The following NF1 variants were observed in gnomAD, a reference collection of about 807,000 sequenced individuals.
NF1 encodes the protein neurofibromin 1, also known as neurofibromin.
NF1 carries 122 observed loss-of-function variants against 325.7 expected under a neutral mutation model. That is an observed-to-expected ratio of 0.37 (90% CI 0.32 to 0.44). The LOEUF is 0.44. NF1 is among the 20% of genes least tolerant of loss of function. The pLI, the probability that NF1 is intolerant of heterozygous loss-of-function variation, is 1.00. For missense variants in NF1, 2,140 were observed against 3,415.4 expected, an observed-to-expected ratio of 0.63 and a Z score of 9.31; for synonymous variants, 1,091 against 1,186.0, an observed-to-expected ratio of 0.92 and a Z score of 1.65.
At chr17:31,134,015 CTT>C (rs1389251424) in intron 1 of NF1, among the ~76,000 whole-genome samples, 1 of 151,972 alleles carries the variant, frequency 6.6e-6, no homozygotes, top group African/African-American at 2.4e-5. Context: ...GGTTTTATGA[CTT>C]TTTGGTTTTT....
chr17:31,235,280 G>A (rs930437324), intron 27 of NF1, among the ~76,000 whole-genome samples: 1 of 152,104 alleles, frequency 6.6e-6, no homozygotes, highest in Non-Finnish European at 1.5e-5. Context: ...TAAATTCTTT[G>A]CTGTCATCTT....
chr17:31,196,628 ATT>A (rs34391271), intron 8 of NF1, among the ~76,000 whole-genome samples: 1 of 151,498 alleles, frequency 6.6e-6, no homozygotes, highest in African/African-American at 2.4e-5. Flanking sequence ...TGTTGAAAAT[ATT>A]TTTTTTTCCT....
chr17:31,152,047 G>A (rs929526316), intron 1 of NF1, among the ~76,000 whole-genome samples: 14 of 149,524 alleles, frequency 9.4e-5, no homozygotes, highest in African/African-American at 2.7e-4. Context: ...CCTACCCCAC[G>A]ACAGGCCCCG....
intron 1 of NF1, among the ~76,000 whole-genome samples, chr17:31,128,167 G>A (rs1915047955): frequency 6.7e-6 from 1 of 150,188 alleles, no homozygotes; most frequent in African/African-American, 2.5e-5. Context: ...GGCCAGGCTG[G>A]TCTCAAATTC....
intron 1 of NF1, 40 bp downstream of exon 1, chr17:31,095,409 G>A (rs972234523): frequency 3.3e-6 from 5 of 1,531,532 alleles, no homozygotes; most frequent in Non-Finnish European, 4.4e-6. Flanking sequence ...GAGCGGAGTG[G>A]GGGTGGGGAC....
At chr17:31,308,991 G>GT (rs1216071312) in intron 36 of NF1, among the ~76,000 whole-genome samples, 2 of 152,172 alleles carry the variant, frequency 1.3e-5, no homozygotes, top group African/African-American at 4.8e-5. Context: ...ATTATGTGTT[G>GT]TACTATCCCA....
chr17:31,204,598 A>G (rs758904318), intron 11 of NF1, among the ~76,000 whole-genome samples: 5 of 152,050 alleles, frequency 3.3e-5, no homozygotes, highest in Non-Finnish European at 7.4e-5. Flanking sequence ...TGAAAAATGA[A>G]AACTATGAAA....
chr17:31,156,889 T>G (rs967386911), intron 2 of NF1, among the ~76,000 whole-genome samples: 3 of 152,212 alleles, frequency 2.0e-5, no homozygotes, highest in Non-Finnish European at 4.4e-5. Flanking sequence ...TGTTTCAAAC[T>G]AACATACTCA....
At chr17:31,326,326 A>G in intron 37 of NF1, 74 bp downstream of exon 37, 1 of 1,434,414 alleles carries the variant, frequency 7.0e-7, no homozygotes, top group Non-Finnish European at 9.7e-7. Context: ...TGGCCTCCCT[A>G]GGTGTCCTAC....
At position 31,201,035 on chromosome 17, in the gene NF1, A is replaced by C; in HGVS notation, c.1063-2A>C. On this transcript the variant is annotated splice_acceptor_variant, in intron 9 of 57. Coordinates refer to ENST00000358273, the MANE Select transcript of NF1 (RefSeq NM_001042492.3). LOFTEE classifies it high-confidence loss of function. ...TTTTGTTTTCTGTTGGGGTTTTTAT[A>C]GAACCTGCTTTTTAATCCAAGTAAG... 6.2e-7 allele frequency: 1 copy of C among 1,613,328 alleles called. No homozygotes were observed. Among genetic ancestry groups the C allele is most frequent in the Non-Finnish European group, 8.5e-7 (1 of 1,179,910 alleles).
intron 5 of NF1, among the ~76,000 whole-genome samples, chr17:31,179,663 G>C (rs2066088994): frequency 6.6e-6 from 1 of 152,050 alleles, no homozygotes; most frequent in African/African-American, 2.4e-5. Context: ...GGCACCTGTA[G>C]TCCCAGCTAC....
rs749955014 is a variant in NF1, at chr17:31,336,947, G to A, written c.6427+33G>A. 4 of 1,597,072 alleles carry A rather than the reference G, an allele frequency of 2.5e-6. No individual in the cohort carries two copies. In the South Asian group the frequency reaches 4.4e-5, roughly 18 times the overall value. ...CTAGGAAAGGAATTTGTGTTTACCA[G>A]TTCCTTTCTCCATTTTACTTCACCT... On this transcript the variant is annotated intron_variant, in intron 42 of 57. Coordinates refer to ENST00000358273, the MANE Select transcript of NF1 (RefSeq NM_001042492.3). The surrounding 1 kb of genome is among the most constrained non-coding windows in gnomAD (Gnocchi z 5.5).
chr17:31,290,649 T>C (rs569483142), intron 36 of NF1, among the ~76,000 whole-genome samples: 1 of 152,290 alleles, frequency 6.6e-6, no homozygotes, highest in Non-Finnish European at 1.5e-5. Context: ...GTGGTTATCT[T>C]TCTGTTTTTA....
chr17:31,179,492 G>A (rs1056332489), intron 5 of NF1, among the ~76,000 whole-genome samples: 19 of 152,112 alleles, frequency 1.2e-4, no homozygotes, highest in African/African-American at 4.1e-4. Context: ...GCTAGCAGAG[G>A]ACAAGAAATA....
intron 29 of NF1, among the ~76,000 whole-genome samples, chr17:31,244,855 G>A (rs1333376478): frequency 1.3e-5 from 2 of 152,104 alleles, no homozygotes. Context: ...TTCCAATAAG[G>A]GGGACGATCC....
chr17:31,251,061 A>C (rs967410043), intron 30 of NF1: 2 of 195,122 alleles, frequency 1.0e-5, no homozygotes, highest in Non-Finnish European at 2.1e-5. Context: ...TGTTACATTT[A>C]CTGATTAGAA....
At chr17:31,325,043 C>G (rs1368356103) in intron 36 of NF1, among the ~76,000 whole-genome samples, 1 of 152,178 alleles carries the variant, frequency 6.6e-6, no homozygotes, top group African/African-American at 2.4e-5. Flanking sequence ...CTCACTGTGG[C>G]TGCTCCCATT....
intron 36 of NF1, chr17:31,304,226 G>T: frequency 6.5e-7 from 1 of 1,532,224 alleles, no homozygotes; most frequent in South Asian, 1.3e-5. Flanking sequence ...AGAGTCATTT[G>T]AGGATGGAAG....
At chr17:31,173,268 G>A (rs569228228) in intron 5 of NF1, among the ~76,000 whole-genome samples, 51 of 152,256 alleles carry the variant, frequency 3.3e-4, no homozygotes, top group African/African-American at 1.2e-3. Flanking sequence ...AAATTAGCCA[G>A]TCGTAGTGGT....
Sources: allele counts gnomAD v4.1 joint callset (sites outside exome capture counted in the v4.1 genomes callset), GRCh38; gene constraint gnomAD v4.1.1; non-coding constraint Gnocchi (gnomAD v3.1); transcripts MANE v1.5; gene names NCBI Gene and HGNC (gene_info 2026-07-23, HGNC 2026-07-21).